The following FDXR variants were observed in gnomAD, a reference collection of about 807,000 sequenced individuals.
FDXR encodes the protein NADPH:adrenodoxin oxidoreductase, mitochondrial.
A neutral mutation model predicts 58.3 loss-of-function variants in FDXR; 38 were observed. The ratio of observed to expected loss-of-function variants is 0.65; its 90% confidence interval spans 0.50 to 0.85. FDXR has a LOEUF of 0.85. Among genes scored for constraint, FDXR ranks in the 40% least tolerant of loss-of-function variants. The pLI, the probability that FDXR is intolerant of heterozygous loss-of-function variation, is 0.00. For synonymous variants in FDXR, 275 were observed against 273.8 expected, an observed-to-expected ratio of 1.00 and a Z score of -0.04; for missense variants, 624 against 671.0, an observed-to-expected ratio of 0.93 and a Z score of 0.77.
intron 2 of FDXR, chr17:74,868,819 C>G (rs1452855005): frequency 7.4e-7 from 1 of 1,356,426 alleles, no homozygotes; most frequent in Non-Finnish European, 9.8e-7. Flanking sequence ...CCTGCGACCC[C>G]AAATTCCCCT....
chr17:74,869,076 A>T (rs1222071469), intron 2 of FDXR, among the ~76,000 whole-genome samples: 2 of 151,634 alleles, frequency 1.3e-5, no homozygotes, highest in African/African-American at 2.4e-5. Context: ...CCATCCTCCC[A>T]GTCCTCTTCC....
At position 74,864,496 on chromosome 17, in the gene FDXR, G is replaced by C; in HGVS notation, c.786C>G (p.Leu262=). The C allele has an allele frequency of 6.2e-7, 1 of 1,614,008 alleles. No individual in the cohort carries two copies. The highest frequency in any genetic ancestry group is 1.1e-5 in the South Asian group (1 of 91,082). Residue 262 remains leucine, a synonymous_variant, in exon 8 of 12, where the codon CTC becomes CTG. Transcript: ENST00000293195. The part of the protein sequence containing the change: ...PILDPVDFLG[L]QDKIKEVPRP... ...GCCCCTCACCCTTGATCTTGTCCTG[G>C]AGACCCAAGAAATCCACAGGATCCA... is the stretch of plus-strand genomic sequence containing the variant.
chr17:74,864,798 G>A (rs1567910468), intron 7 of FDXR, 26 bp downstream of exon 7: 1 of 1,613,468 alleles, frequency 6.2e-7, no homozygotes, highest in Non-Finnish European at 8.5e-7. Context: ...CTGGAACCCT[G>A]GCTCCTCCCA....
Position 74,863,154 on chromosome 17 carries a change from G to A in FDXR, c.1267C>T (p.Gln423Ter). 6.2e-7 allele frequency: 1 copy of A among 1,613,812 alleles called. No individual in the cohort carries two copies. The change falls in exon 11 of 12, where the codon CAG (glutamine) becomes TAG (stop). Residue 423 changes from glutamine to a stop codon, truncating the protein, a stop_gained. Coordinates refer to ENST00000293195, the MANE Select transcript of FDXR (RefSeq NM_024417.5). LOFTEE classifies it high-confidence loss of function. ...DSFLTGQMLL[Q>*]DLKAGLLPSG... ...GGGAGCAACCCAGCCTTCAGGTCCT[G>A]CAGCAGCATCTGGCCGGTGAGGAAG...
At chr17:74,868,264 T>C (rs2038261744) in intron 2 of FDXR, 3 of 567,342 alleles carry the variant, frequency 5.3e-6, no homozygotes, top group East Asian at 2.9e-5. Flanking sequence ...ACAGGTAGCC[T>C]TGGATGCCAG....
At chr17:74,868,311 GAA>G in intron 2 of FDXR, 1 of 606,238 alleles carries the variant, frequency 1.6e-6, no homozygotes. Context: ...GTGCACTGGG[GAA>G]AGTTTCTTCT....
intron 2 of FDXR, chr17:74,868,743 G>A (rs2038277549): frequency 6.7e-7 from 1 of 1,499,610 alleles, no homozygotes; most frequent in East Asian, 2.5e-5. Flanking sequence ...CCGCTAACAA[G>A]GACATTCTCT....
chr17:74,871,288 C>T (rs1490124669), intron 2 of FDXR, among the ~76,000 whole-genome samples: 1 of 152,242 alleles, frequency 6.6e-6, no homozygotes, highest in Non-Finnish European at 1.5e-5. Context: ...CCTGGGCAGT[C>T]CAGGCCAGTT....
rs547136156 is a variant in FDXR, at chr17:74,864,815, C to A, written c.717+9G>T. The stretch of plus-strand genomic sequence containing the variant: ...GGAACCCTGGCTCCTCCCACTCTGG[C>A]CCCAGCACCTTAATGGTGAAGGCCA... On this transcript the variant is annotated intron_variant, in intron 7 of 11. Coordinates refer to ENST00000293195, the MANE Select transcript of FDXR (RefSeq NM_024417.5). 78 of 1,613,908 alleles carry A rather than the reference C, an allele frequency of 4.8e-5. No homozygotes were observed. The Admixed American group carries it at 1.3e-3, about 27-fold the overall frequency.
chr17:74,863,567 G>A (rs1476671297), intron 10 of FDXR, among the ~76,000 whole-genome samples: 1 of 152,178 alleles, frequency 6.6e-6, no homozygotes, highest in Non-Finnish European at 1.5e-5. Context: ...ATAGGTATGT[G>A]GGCACTTAGT....
intron 3 of FDXR, 47 bp from the exon 4 acceptor site, chr17:74,866,615 C>T: frequency 6.2e-7 from 1 of 1,612,472 alleles, no homozygotes; most frequent in African/African-American, 1.3e-5. Context: ...TAAGGCAGCT[C>T]CAGGGACCAA....
chr17:74,870,679 C>A (rs1485040986), intron 2 of FDXR, among the ~76,000 whole-genome samples: 2 of 152,136 alleles, frequency 1.3e-5, no homozygotes, highest in African/African-American at 4.8e-5. Context: ...CCCAGGCTGT[C>A]CTCCCTCCCA....
At chr17:74,868,035 C>T (rs1050717381) in intron 2 of FDXR, among the ~76,000 whole-genome samples, 6 of 151,990 alleles carry the variant, frequency 3.9e-5, no homozygotes, top group Non-Finnish European at 8.8e-5. Flanking sequence ...CAAAGAAGCC[C>T]CTGCCCATCA....
At position 74,862,926 on chromosome 17, in the gene FDXR, G is replaced by A. The variant is rs2038021769; in HGVS notation, c.1367C>T (p.Ser456Leu). 1 of 1,612,594 alleles carries A rather than the reference G, an allele frequency of 6.2e-7. No homozygotes were observed. Among genetic ancestry groups the A allele is most frequent in the Non-Finnish European group, 8.5e-7 (1 of 1,179,934 alleles). The change falls in exon 12 of 12, where the codon TCA (serine) becomes TTA (leucine). Residue 456 changes from serine to leucine, a missense_variant. Transcript: ENST00000293195. ...SSRGVRPVSF[S>L]DWEKLDAEEV... is the part of the protein sequence containing the mutation. ...CTCGGCATCCAGCTTCTCCCAGTCT[G>A]AGAAAGAGACTGGCCGGACCCCTGA...
Position 74,862,874 on chromosome 17 carries a change from C to CA in FDXR, c.1418_1419insT (p.Lys474GlufsTer43), listed in dbSNP as rs2038017806. ...GATCCACCAGCTTCTCCCTGGGCTT[C>CA]CCCGTGCCCTGGCCCCGGGCCACCT... On this transcript the variant is annotated frameshift_variant, in exon 12 of 12. Transcript: ENST00000293195. LOFTEE classifies it high-confidence loss of function. The CA allele has an allele frequency of 1.2e-6, 2 of 1,613,108 alleles. No individual in the cohort carries two copies. The highest frequency in any genetic ancestry group is 3.3e-5 in the Admixed American group (2 of 60,006).
intron 6 of FDXR, 96 bp from the exon 7 acceptor site, chr17:74,865,027 T>G: frequency 6.3e-7 from 1 of 1,574,950 alleles, no homozygotes; most frequent in Non-Finnish European, 8.7e-7. Flanking sequence ...TGGAGAAGGC[T>G]GGCGGCTCAA....
chr17:74,872,669 G>A (rs2038412664), intron 1 of FDXR, 197 bp downstream of exon 1: 7 of 1,234,348 alleles, frequency 5.7e-6, no homozygotes, highest in Non-Finnish European at 6.6e-6. Flanking sequence ...GTTGACCTCC[G>A]TCTCTAACCC....
chr17:74,865,888 G>C (rs977135167), intron 5 of FDXR, 68 bp from the exon 6 acceptor site: 31 of 1,261,604 alleles, frequency 2.5e-5, no homozygotes, highest in Middle Eastern at 3.7e-4. Context: ...GTCTGCAGGT[G>C]CCTCATGCCT....
chr17:74,863,121 G>A lies in FDXR; in HGVS notation c.1300C>T (p.Pro434Ser), dbSNP rs898169517. The change falls in exon 11 of 12, where the codon CCC becomes TCC. Residue 434 changes from proline (P) to serine (S), a missense_variant. Physicochemically the swap from Pro to Ser is moderately conservative, Grantham distance 74. Transcript: ENST00000293195. ...TGGATGGCTGCGTAGCCAGGCCTGG[G>A]GCCAGAGGGGAGCAACCCAGCCTTC... ...DLKAGLLPSG[P>S]RPGYAAIQAL... 6.2e-7 allele frequency: 1 copy of A among 1,613,620 alleles called. No individual in the cohort carries two copies. Among genetic ancestry groups the A allele is most frequent in the African/African-American group, 1.3e-5 (1 of 75,072 alleles).
Sources: allele counts gnomAD v4.1 joint callset (sites outside exome capture counted in the v4.1 genomes callset), GRCh38; gene constraint gnomAD v4.1.1; transcripts MANE v1.5; gene names NCBI Gene and HGNC (gene_info 2026-07-23, HGNC 2026-07-21).